Variants in KRT39 observed in about 807,000 individuals in gnomAD.
KRT39 encodes the protein keratin 39.
Under a neutral mutation model 54.8 loss-of-function variants are expected in KRT39, and 47 were observed. The observed-to-expected ratio is 0.86, with a 90% CI of 0.68 to 1.09. KRT39 has a LOEUF of 1.09. KRT39 is among the 50% of genes least tolerant of loss of function. The pLI is 0.00. For missense variants in KRT39, 580 were observed against 598.5 expected (o/e 0.97, Z 0.32); for synonymous variants, 207 against 227.9 (o/e 0.91, Z 0.83).
At position 40,964,097 on chromosome 17, in the gene KRT39, T is replaced by G. The variant is rs111817502; in HGVS notation, c.552-314A>C. On this transcript the variant is annotated intron_variant, in intron 2 of 6. Coordinates refer to ENST00000355612, the MANE Select transcript of KRT39 (RefSeq NM_213656.4). ...AGGGCTCAGAAAACATGTGTCCAAG[T>G]TTCGGTTTTGACTTGTGCTAGTTAT... is the stretch of plus-strand genomic sequence containing the variant. The G allele has an allele frequency of 8.5e-3, 3,556 of 416,322 alleles. 96 individuals are homozygous for G. Among genetic ancestry groups the G allele is most frequent in the African/African-American group, 0.064 (3,176 of 50,012 alleles). 25.8% of individuals were successfully genotyped at this position (416,322 alleles called of 1,614,324 possible).
chr17:40,962,396 C>T lies in KRT39; in HGVS notation c.870+6G>A. The T allele has an allele frequency of 1.9e-6, 3 of 1,613,910 alleles. No individual in the cohort carries two copies. The highest frequency in any genetic ancestry group is 2.2e-5 in the East Asian group (1 of 44,890). On this transcript the variant is annotated splice_donor_region_variant and intron_variant, in intron 4 of 6. Transcript: ENST00000355612. ...TTATTGTTTTTGACTTTTCTATATC[C>T]CCCACCTGCGTGTTGAACCACTGTT...
In KRT39 at chr17:40,962,485, G is replaced by C; in HGVS notation, c.787C>G (p.Gln263Glu). ...VTAAPSADLN[Q>E]VLQEMRCQYE... ...TGACATCTCATTTCTTGTAGAACCTGGTTTAGGTCAGCAGAAGGGGCAGCA... is the reference window on the plus strand; with the variant it reads ...TGACATCTCATTTCTTGTAGAACCTCGTTTAGGTCAGCAGAAGGGGCAGCA... Residue 263 changes from glutamine (Q) to glutamate (E), a missense_variant, in exon 4 of 7, where the codon CAG becomes GAG. Transcript: ENST00000355612. 1.2e-6 allele frequency: 2 copies of C among 1,614,138 alleles called. No homozygotes were observed. Among genetic ancestry groups the C allele is most frequent in the South Asian group, 2.2e-5 (2 of 91,074 alleles).
chr17:40,962,578 A>C lies in KRT39; in HGVS notation c.709-15T>G. 6.2e-7 allele frequency: 1 copy of C among 1,607,370 alleles called. No homozygotes were observed. Among genetic ancestry groups the C allele is most frequent in the African/African-American group, 1.3e-5 (1 of 74,556 alleles). ...GAATTGATTTCCTAAGGAAAGAAAA[A>C]GACTGTGAAGTCACTTGGTGAACAG... On this transcript the variant is annotated splice_polypyrimidine_tract_variant and intron_variant, in intron 3 of 6. Transcript: ENST00000355612.
At chr17:40,961,913 C>T (rs1462345988) in intron 5 of KRT39, among the ~76,000 whole-genome samples, 1 of 152,180 alleles carries the variant, frequency 6.6e-6, no homozygotes, top group Non-Finnish European at 1.5e-5. Context: ...ATACCATATA[C>T]CCCCTTCCTG....
Position 40,960,340 on chromosome 17 carries a change from C to T in KRT39, c.1158G>A (p.Lys386=). The part of the protein sequence containing the change: ...NQEYEILLDV[K]SRLECEITTY... ...TGGTAATCTCACATTCCAGCCGGGA[C>T]TTGACGTCCAGCAGGATCTCGTATT... is the stretch of plus-strand genomic sequence containing the variant. Residue 386 remains lysine (K), a synonymous_variant, in exon 6 of 7, where the codon AAG becomes AAA. Transcript: ENST00000355612. The T allele has an allele frequency of 6.2e-7, 1 of 1,614,066 alleles. No homozygotes were observed. Among genetic ancestry groups the T allele is most frequent in the Non-Finnish European group, 8.5e-7 (1 of 1,180,032 alleles).
rs1290515216 is a variant in KRT39 at position 40,965,191 on chromosome 17, G to A, written c.469-663C>T. On this transcript the variant is annotated intron_variant, in intron 1 of 6. Coordinates refer to ENST00000355612, the MANE Select transcript of KRT39 (RefSeq NM_213656.4). ...TGCACTGCAGCCTGGGAGACAGAGC[G>A]AGACTCCGTCTCAAAAAAAAAAAAA... is the stretch of plus-strand genomic sequence containing the variant. 6.8e-5 allele frequency among the ~76,000 whole-genome samples: 10 copies of A among 146,400 alleles called. No homozygotes were observed. The South Asian group carries it at 1.1e-3, about 16-fold the overall frequency.
At chr17:40,961,135 GA>G (rs3067627) in intron 5 of KRT39, among the ~76,000 whole-genome samples, 25,344 of 139,198 alleles carry the variant, frequency 0.18, 3,846 homozygotes, top group African/African-American at 0.43. Flanking sequence ...ATCTCAAAAA[GA>G]AAAAAAAAAA....
chr17:40,966,067 A>ATGTGTGTG (rs71300040), intron 1 of KRT39, among the ~76,000 whole-genome samples: 2 of 147,308 alleles, frequency 1.4e-5, no homozygotes, highest in Non-Finnish European at 3.0e-5. Flanking sequence ...TTGTGTGTGT[A>ATGTGTGTG]TGTGTGTGTG....
chr17:40,962,205 C>A lies in KRT39; in HGVS notation c.953G>T (p.Ser318Ile). Reference sequence around the variant, plus strand: ...CAGTTCAACCTCCAGAGTGTTCACACTGCGTCTCAGTTCTATGATCTCCTT... The same window carrying A: ...CAGTTCAACCTCCAGAGTGTTCACAATGCGTCTCAGTTCTATGATCTCCTT... Reference protein sequence around the residue: ...CQKEIIELRRSVNTLEVELQA... With the variant: ...CQKEIIELRRIVNTLEVELQA... The change falls in exon 5 of 7, where the codon AGT becomes ATT. Residue 318 changes from serine to isoleucine, a missense_variant. Physicochemically the swap from Ser to Ile is moderately radical, Grantham distance 142. Transcript: ENST00000355612. The A allele has an allele frequency of 6.2e-7, 1 of 1,614,238 alleles. No individual in the cohort carries two copies. The highest frequency in any genetic ancestry group is 8.5e-7 in the Non-Finnish European group (1 of 1,180,046).
At chr17:40,965,190 C>A (rs1464137641) in intron 1 of KRT39, among the ~76,000 whole-genome samples, 1 of 143,952 alleles carries the variant, frequency 6.9e-6, no homozygotes, top group Non-Finnish European at 1.5e-5. Context: ...GGAGACAGAG[C>A]GAGACTCCGT....
rs1395300975 is a variant in KRT39 at position 40,958,860 on chromosome 17, C to G, written c.1218-1G>C. 1 of 1,563,792 alleles carries G rather than the reference C, an allele frequency of 6.4e-7. No homozygotes were observed. ...GGTGGCACGTGGGTAACAGGGACGC[C>G]TAAGGAAAAAAAACACAATTTTAGC... On this transcript the variant is annotated splice_acceptor_variant, in intron 6 of 6. Transcript: ENST00000355612. LOFTEE classifies it high-confidence loss of function.
rs1911203890 is a variant in KRT39, at chr17:40,962,643, A to G, written c.709-80T>C. On this transcript the variant is annotated intron_variant, in intron 3 of 6. Coordinates refer to ENST00000355612, the MANE Select transcript of KRT39 (RefSeq NM_213656.4). ...TTCTTGTTTCACTCTAACTGCTACGATTTAGCTTAATTGTGTCTAAAATAT... is the reference window on the plus strand; with the variant it reads ...TTCTTGTTTCACTCTAACTGCTACGGTTTAGCTTAATTGTGTCTAAAATAT... The G allele has an allele frequency of 4.1e-6, 5 of 1,206,488 alleles. No individual in the cohort carries two copies. The South Asian group carries it at 7.0e-5, about 17-fold the overall frequency. The allele number at this position is 1,206,488 out of a possible 1,614,324, so 74.7% of individuals were successfully genotyped here. A position where few individuals can be genotyped will look rare whatever the true frequency, so the allele number is the denominator to read the frequency against.
In KRT39 at chr17:40,964,503, GA is replaced by G; in HGVS notation, c.493del (p.Ser165ProfsTer12). The G allele has an allele frequency of 6.2e-7, 1 of 1,613,876 alleles. No homozygotes were observed. Among genetic ancestry groups the G allele is most frequent in the Non-Finnish European group, 8.5e-7 (1 of 1,179,768 alleles). On this transcript the variant is annotated frameshift_variant, in exon 2 of 7. Coordinates refer to ENST00000355612, the MANE Select transcript of KRT39 (RefSeq NM_213656.4). LOFTEE classifies it high-confidence loss of function. ...GTTGTCAATTTGCGAGACCAGTCTG[GA>G]ATTCTCGGCCTTGGTACACAAGATC... The part of the protein sequence containing the change: ...QKILCTKAEN[S>X]RLVSQIDNTK...
At chr17:40,966,294 A>G (rs766733626) in intron 1 of KRT39, 95 bp downstream of exon 1, 22 of 1,029,142 alleles carry the variant, frequency 2.1e-5, no homozygotes, top group Non-Finnish European at 3.0e-5. Flanking sequence ...AATTTTCAGC[A>G]TCAACTGAAC....
At chr17:40,964,330 G>C (rs902372610) in intron 2 of KRT39, 116 bp downstream of exon 2, 2 of 812,274 alleles carry the variant, frequency 2.5e-6, no homozygotes, top group African/African-American at 3.4e-5. Flanking sequence ...TTCTGGGCTT[G>C]TGCCAACATC....
chr17:40,960,428 A>G lies in KRT39; in HGVS notation c.1070T>C (p.Leu357Pro). ...YTALLTQIQSLIDNLEAQLAE... is the reference protein window; with the variant it reads ...YTALLTQIQSPIDNLEAQLAE... ...CAGCTGAGCTTCCAGGTTATCAATCAGACTCTGGATCTGGGTCAGCAAGGC... is the reference window on the plus strand; with the variant it reads ...CAGCTGAGCTTCCAGGTTATCAATCGGACTCTGGATCTGGGTCAGCAAGGC... Residue 357 changes from leucine (L) to proline (P), a missense_variant, in exon 6 of 7, where the codon CTG becomes CCG. Physicochemically the swap from Leu to Pro is moderately conservative, Grantham distance 98. Transcript: ENST00000355612. The G allele has an allele frequency of 6.2e-7, 1 of 1,614,070 alleles. No individual in the cohort carries two copies.
intron 4 of KRT39, 41 bp downstream of exon 4, chr17:40,962,361 C>T (rs775503976): frequency 6.2e-7 from 1 of 1,611,904 alleles, no homozygotes; most frequent in South Asian, 1.1e-5. Context: ...CCTAGAAATG[C>T]AGCATCAGCT....
chr17:40,963,639 G>T lies in KRT39; in HGVS notation c.696C>A (p.Asn232Lys). 2 of 1,606,160 alleles carry T rather than the reference G, an allele frequency of 1.2e-6. No homozygotes were observed. Among genetic ancestry groups the T allele is most frequent in the South Asian group, 1.1e-5 (1 of 90,518 alleles). Reference protein sequence around the residue: ...SLKEELLCLKNNHKEEINSLQ... With the variant: ...SLKEELLCLKKNHKEEINSLQ... ...GTCTTTGTCTCACCTCTTTGTGGTT[G>T]TTCTTGAGGCAAAGGAGCTCCTCTT... Residue 232 changes from asparagine (N) to lysine (K), a missense_variant, in exon 3 of 7, where the codon AAC becomes AAA. Coordinates refer to ENST00000355612, the MANE Select transcript of KRT39 (RefSeq NM_213656.4).
chr17:40,966,576 C>T lies in KRT39; in HGVS notation c.281G>A (p.Ser94Asn), dbSNP rs1911408726. 3.1e-6 allele frequency: 5 copies of T among 1,614,078 alleles called. No homozygotes were observed. The highest frequency in any genetic ancestry group is 1.3e-5 in the African/African-American group (1 of 74,938). The change falls in exon 1 of 7, where the codon AGT becomes AAT. Residue 94 changes from serine (S) to asparagine (N), a missense_variant. Transcript: ENST00000355612. ...GATTTGCATGGTCTCCTTCTCATTACTGTTGATGCCTTCACCATACCAGCT... is the reference window on the plus strand; with the variant it reads ...GATTTGCATGGTCTCCTTCTCATTATTGTTGATGCCTTCACCATACCAGCT... The part of the protein sequence containing the change: ...DCSWYGEGIN[S>N]NEKETMQILN...
Sources: gnomAD v4.1 joint callset for allele counts (sites outside exome capture counted in the v4.1 genomes callset) on GRCh38, gnomAD v4.1.1 for gene constraint, MANE v1.5 for transcripts, NCBI Gene and HGNC (gene_info 2026-07-23, HGNC 2026-07-21) for gene names.